Variants in GJA1 observed in about 807,000 individuals in gnomAD.
GJA1 encodes the protein gap junction alpha-1 protein.
A neutral mutation model predicts 31.0 loss-of-function variants in GJA1; 9 were observed. That is an observed-to-expected ratio of 0.29 (90% CI 0.17 to 0.51). GJA1 has a LOEUF of 0.51. Among genes scored for constraint, GJA1 ranks in the 20% least tolerant of loss-of-function variants. GJA1 has a pLI of 0.98. For missense variants in GJA1, 278 were observed against 468.8 expected, an observed-to-expected ratio of 0.59 and a Z score of 3.76; for synonymous variants, 186 against 180.1, an observed-to-expected ratio of 1.03 and a Z score of -0.26.
intron 1 of GJA1, among the ~76,000 whole-genome samples, chr6:121,440,777 T>A (rs1773761409): frequency 6.6e-6 from 1 of 152,150 alleles, no homozygotes; most frequent in South Asian, 2.1e-4. Flanking sequence ...AGTTTCACTC[T>A]ATCACCCGGG....
In GJA1 at chr6:121,447,654, T is replaced by C; in HGVS notation, c.807T>C (p.Asn269=). 10 of 1,614,032 alleles carry C rather than the reference T, an allele frequency of 6.2e-6. No individual in the cohort carries two copies. The highest frequency in any genetic ancestry group is 8.5e-6 in the Non-Finnish European group (10 of 1,179,958). The stretch of plus-strand genomic sequence containing the variant: ...GGTCTCAAAAATATGCTTATTTCAA[T>C]GGCTGCTCCTCACCAACCGCTCCCC... ...DCGSQKYAYF[N]GCSSPTAPLS... is the part of the protein sequence containing the mutation. The change falls in exon 2 of 2, where the codon AAT becomes AAC. Residue 269 remains asparagine (N), a synonymous_variant. Coordinates refer to ENST00000282561, the MANE Select transcript of GJA1 (RefSeq NM_000165.5).
chr6:121,445,440 C>T (rs1773871087), intron 1 of GJA1, among the ~76,000 whole-genome samples: 1 of 152,164 alleles, frequency 6.6e-6, no homozygotes, highest in Non-Finnish European at 1.5e-5. Flanking sequence ...CGTGAGCCAC[C>T]ACGCCTGGCC....
At position 121,447,686 on chromosome 6, in the gene GJA1, C is replaced by T; in HGVS notation, c.839C>T (p.Pro280Leu). The T allele has an allele frequency of 6.2e-7, 1 of 1,614,096 alleles. No individual in the cohort carries two copies. The highest frequency in any genetic ancestry group is 8.5e-7 in the Non-Finnish European group (1 of 1,180,028). The change falls in exon 2 of 2, where the codon CCT becomes CTT. Residue 280 changes from proline to leucine, a missense_variant. Pro to Leu is a moderately conservative substitution (Grantham distance 98, BLOSUM62 -3). Transcript: ENST00000282561. Reference sequence around the variant, plus strand: ...TCCTCACCAACCGCTCCCCTCTCGCCTATGTCTCCTCCTGGGTACAAGCTG... The same window carrying T: ...TCCTCACCAACCGCTCCCCTCTCGCTTATGTCTCCTCCTGGGTACAAGCTG... ...GCSSPTAPLS[P>L]MSPPGYKLVT... is the part of the protein sequence containing the mutation.
At position 121,449,025 on chromosome 6, in the gene GJA1, AAT is replaced by A. The variant is rs1773939989; in HGVS notation, c.*1030_*1031del. 6.0e-6 allele frequency: 1 copy of A among 165,578 alleles called. No homozygotes were observed. The highest frequency in any genetic ancestry group is 1.5e-5 in the Non-Finnish European group (1 of 68,078). The allele number at this position is 165,578 out of a possible 1,614,324, so 10.3% of individuals were successfully genotyped here. On this transcript the variant is annotated 3_prime_UTR_variant, in exon 2 of 2. Coordinates refer to ENST00000282561, the MANE Select transcript of GJA1 (RefSeq NM_000165.5). The stretch of plus-strand genomic sequence containing the variant: ...AAAGCACACTTTTTTTTTCTCCTAA[AAT>A]GTTTTTCCCTGTGTATCCTATTATG...
intron 1 of GJA1, among the ~76,000 whole-genome samples, chr6:121,442,832 G>A (rs904137466): frequency 1.3e-5 from 2 of 152,194 alleles, no homozygotes; most frequent in African/African-American, 4.8e-5. Flanking sequence ...AAGAGCAATG[G>A]AAATGTAATC....
Position 121,449,300 on chromosome 6 carries a change from A to C in GJA1, c.*1304A>C, listed in dbSNP as rs1461157082. 6.0e-6 allele frequency: 1 copy of C among 167,082 alleles called. No homozygotes were observed. The highest frequency in any genetic ancestry group is 1.5e-5 in the Non-Finnish European group (1 of 68,112). 10.3% of individuals were successfully genotyped at this position (167,082 alleles called of 1,614,324 possible). On this transcript the variant is annotated 3_prime_UTR_variant, in exon 2 of 2. Transcript: ENST00000282561. ...CTGGTATTCTTGGGTTTTCCTACTTAATACACAGTAATTCAGAACTTGTAT... is the reference window on the plus strand; with the variant it reads ...CTGGTATTCTTGGGTTTTCCTACTTCATACACAGTAATTCAGAACTTGTAT...
intron 1 of GJA1, among the ~76,000 whole-genome samples, chr6:121,445,391 C>T (rs777714079): frequency 1.3e-5 from 2 of 152,138 alleles, no homozygotes; most frequent in African/African-American, 2.4e-5. Flanking sequence ...ATGATCCACC[C>T]GCCTCCCAAA....
At chr6:121,441,537 T>A (rs1199386183) in intron 1 of GJA1, among the ~76,000 whole-genome samples, 1 of 152,120 alleles carries the variant, frequency 6.6e-6, no homozygotes, top group African/African-American at 2.4e-5. Flanking sequence ...AGAGAGAAAG[T>A]CTATTAAAAT....
intron 1 of GJA1, among the ~76,000 whole-genome samples, chr6:121,445,185 CTT>C (rs1394062044): frequency 1.3e-5 from 2 of 152,194 alleles, no homozygotes; most frequent in Admixed American, 1.3e-4. Flanking sequence ...CGGAGTCTCT[CTT>C]TGTCACCCAG....
At chr6:121,442,984 T>C (rs1773819229) in intron 1 of GJA1, among the ~76,000 whole-genome samples, 2 of 152,326 alleles carry the variant, frequency 1.3e-5, no homozygotes, top group South Asian at 4.1e-4. Flanking sequence ...AAGGCATGAA[T>C]ATATGTGATA....
At chr6:121,436,136 G>GTTTTT (rs10692429) in intron 1 of GJA1, among the ~76,000 whole-genome samples, 1 of 102,942 alleles carries the variant, frequency 9.7e-6, no homozygotes, top group African/African-American at 3.7e-5. Flanking sequence ...ATTTTATTTT[G>GTTTTT]TTTTTTTTTT....
intron 1 of GJA1, among the ~76,000 whole-genome samples, chr6:121,440,633 GA>G (rs201353339): frequency 0.042 from 6,127 of 146,392 alleles, 420 homozygotes; most frequent in African/African-American, 0.15. Flanking sequence ...CAAAGAGACA[GA>G]AAAAAACAAA....
intron 1 of GJA1, among the ~76,000 whole-genome samples, chr6:121,436,178 G>T: frequency 1.1e-5 from 1 of 91,214 alleles, no homozygotes; most frequent in African/African-American, 5.7e-5. Context: ...GCTATCATTT[G>T]TTGGGTGGGG....
At chr6:121,443,490 A>G (rs1773831932) in intron 1 of GJA1, among the ~76,000 whole-genome samples, 1 of 152,192 alleles carries the variant, frequency 6.6e-6, no homozygotes, top group Non-Finnish European at 1.5e-5. Context: ...CTAGAGTATT[A>G]AAAAAGAACT....
In GJA1 at chr6:121,449,272, T is replaced by G. The variant is rs1182703804; in HGVS notation, c.*1276T>G. ...AAATGTGCCTAAATGAATTTTGCAG[T>G]AACTGGTATTCTTGGGTTTTCCTAC... On this transcript the variant is annotated 3_prime_UTR_variant, in exon 2 of 2. Transcript: ENST00000282561. 2 of 167,138 alleles carry G rather than the reference T, an allele frequency of 1.2e-5. No individual in the cohort carries two copies. The highest frequency in any genetic ancestry group is 4.8e-5 in the African/African-American group (2 of 41,474). The allele number at this position is 167,138 out of a possible 1,614,324, so 10.4% of individuals were successfully genotyped here. A position where few individuals can be genotyped will look rare whatever the true frequency, so the allele number is the denominator to read the frequency against.
At chr6:121,439,474 A>G (rs1773728040) in intron 1 of GJA1, among the ~76,000 whole-genome samples, 1 of 152,226 alleles carries the variant, frequency 6.6e-6, no homozygotes, top group Admixed American at 6.5e-5. Context: ...ACTGATAGAA[A>G]TATATTAAGT....
At chr6:121,438,678 A>G (rs1163186355) in intron 1 of GJA1, among the ~76,000 whole-genome samples, 1 of 152,190 alleles carries the variant, frequency 6.6e-6, no homozygotes, top group Non-Finnish European at 1.5e-5. Context: ...GCTTATCCGC[A>G]CACACCAGTT....
intron 1 of GJA1, among the ~76,000 whole-genome samples, chr6:121,446,295 T>TAA (rs34014407): frequency 0.029 from 4,436 of 150,594 alleles, 209 homozygotes; most frequent in East Asian, 0.22. Context: ...AACACCATCT[T>TAA]AAAAAAAAAA....
At chr6:121,439,853 A>G (rs1311014606) in intron 1 of GJA1, among the ~76,000 whole-genome samples, 2 of 152,206 alleles carry the variant, frequency 1.3e-5, no homozygotes, top group East Asian at 3.8e-4. Flanking sequence ...ATATTTTTAC[A>G]TACAGTAAGT....
Sources: gnomAD v4.1 joint callset for allele counts (sites outside exome capture counted in the v4.1 genomes callset) on GRCh38, gnomAD v4.1.1 for gene constraint, MANE v1.5 for transcripts, NCBI Gene and HGNC (gene_info 2026-07-23, HGNC 2026-07-21) for gene names.